SNX18: variants seen among roughly 807,000 people sequenced by gnomAD.
SNX18 encodes the protein sorting nexin-18.
SNX18 carries 35 observed loss-of-function variants against 48.7 expected under a neutral mutation model. The ratio of observed to expected loss-of-function variants is 0.72; its 90% CI spans 0.55 to 0.95. The LOEUF is 0.95. SNX18 is among the 40% of genes least tolerant of loss of function. SNX18 has a pLI of 0.00. For synonymous variants in SNX18, 492 were observed against 384.7 expected, an observed-to-expected ratio of 1.28 and a Z score of -3.26; for missense variants, 824 against 871.0, an observed-to-expected ratio of 0.95 and a Z score of 0.68.
chr5:54,630,503 T>A, the SNX18 span, among the ~76,000 whole-genome samples: 40 of 151,900 alleles, frequency 2.6e-4, no homozygotes, highest in Non-Finnish European at 4.0e-4. Flanking sequence ...CTACTGAGAG[T>A]GAAGTACAAC....
At chr5:54,626,629 T>A in the SNX18 span, among the ~76,000 whole-genome samples, 1 of 152,214 alleles carries the variant, frequency 6.6e-6, no homozygotes, top group Admixed American at 6.5e-5. Context: ...TTTTGCAATG[T>A]CTAGAGACAT....
chr5:54,639,194 T>C, the SNX18 span, among the ~76,000 whole-genome samples: 13 of 144,598 alleles, frequency 9.0e-5, no homozygotes, highest in East Asian at 4.3e-4. Flanking sequence ...GGCCACCGAA[T>C]GCTCTCCCAA....
chr5:54,619,078 C>G, the SNX18 span, among the ~76,000 whole-genome samples: 1 of 152,076 alleles, frequency 6.6e-6, no homozygotes, highest in Admixed American at 6.6e-5. Flanking sequence ...CATTAATAAG[C>G]TGACACTGAC....
the SNX18 span, among the ~76,000 whole-genome samples, chr5:54,598,952 G>T: frequency 6.6e-6 from 1 of 152,186 alleles, no homozygotes; most frequent in Non-Finnish European, 1.5e-5. Flanking sequence ...GTCTTTGTCT[G>T]CAGATGACAT....
At chr5:54,585,878 G>A in the SNX18 span, among the ~76,000 whole-genome samples, 11 of 152,136 alleles carry the variant, frequency 7.2e-5, no homozygotes, top group South Asian at 2.3e-3. Flanking sequence ...GGTGGCGGGT[G>A]CCTGTAGTCC....
the SNX18 span, among the ~76,000 whole-genome samples, chr5:54,553,288 G>T: frequency 6.6e-6 from 1 of 152,282 alleles, no homozygotes; most frequent in East Asian, 1.9e-4. Context: ...TGGAGGCTTC[G>T]TGATAAACGA....
chr5:54,580,172 T>C, the SNX18 span, among the ~76,000 whole-genome samples: 2 of 151,866 alleles, frequency 1.3e-5, no homozygotes, highest in East Asian at 1.9e-4. Flanking sequence ...CTTCCTGATA[T>C]GGACTTTCAA....
At chr5:54,582,743 G>A in the SNX18 span, among the ~76,000 whole-genome samples, 3 of 152,102 alleles carry the variant, frequency 2.0e-5, no homozygotes, top group East Asian at 1.9e-4. Flanking sequence ...AGTGAGCTAC[G>A]GCAACAGAGT....
At chr5:54,629,808 C>A in the SNX18 span, among the ~76,000 whole-genome samples, 1 of 152,118 alleles carries the variant, frequency 6.6e-6, no homozygotes, top group Admixed American at 6.5e-5. Flanking sequence ...TAGATTAGAA[C>A]TAAAAGAGTA....
chr5:54,606,941 T>G, the SNX18 span, among the ~76,000 whole-genome samples: 1 of 152,162 alleles, frequency 6.6e-6, no homozygotes, highest in Admixed American at 6.5e-5. Flanking sequence ...ATCCCTTATT[T>G]TGCCCATTTA....
At chr5:54,548,603 G>C (rs1561125154), downstream of SNX18, among the ~76,000 whole-genome samples, 1 of 152,184 alleles carries the variant, frequency 6.6e-6, no homozygotes, top group African/African-American at 2.4e-5. Flanking sequence ...GACTGACTTA[G>C]ATTGTATTGA....
the SNX18 span, among the ~76,000 whole-genome samples, chr5:54,627,648 CTG>C: frequency 3.0e-4 from 46 of 152,182 alleles, 1 homozygote; most frequent in East Asian, 8.4e-3. Flanking sequence ...GTGGCTAAAG[CTG>C]TGTCAAGCAG....
Position 54,523,334 on chromosome 5 carries a change from A to G in SNX18, c.1621+3761A>G, listed in dbSNP as rs1051375217. Among the ~76,000 whole-genome samples, 15 of 152,316 alleles carry G rather than the reference A, an allele frequency of 9.8e-5. No individual in the cohort carries two copies. The East Asian group carries it at 2.7e-3, about 27-fold the overall frequency. Reference sequence around the variant, plus strand: ...GTTTCCAAAGATATGATCAATCTCTAATATTTAATAAAGCTAAATCTAGGT... The same window carrying G: ...GTTTCCAAAGATATGATCAATCTCTGATATTTAATAAAGCTAAATCTAGGT... On this transcript the variant is annotated intron_variant, in intron 1 of 1. Coordinates refer to ENST00000381410, the MANE Select transcript of SNX18 (RefSeq NM_001102575.2).
chr5:54,577,604 T>G, the SNX18 span, among the ~76,000 whole-genome samples: 1 of 152,212 alleles, frequency 6.6e-6, no homozygotes, highest in African/African-American at 2.4e-5. Context: ...TTTGTCAGTC[T>G]CTGTGCTCTT....
the SNX18 span, among the ~76,000 whole-genome samples, chr5:54,639,916 A>C: frequency 6.6e-6 from 1 of 152,202 alleles, no homozygotes; most frequent in Non-Finnish European, 1.5e-5. Context: ...GGGCCCACGC[A>C]CTATAAGGAA....
At chr5:54,612,299 C>A in the SNX18 span, among the ~76,000 whole-genome samples, 1 of 151,442 alleles carries the variant, frequency 6.6e-6, no homozygotes, top group Non-Finnish European at 1.5e-5. Flanking sequence ...CACTTTGTCA[C>A]CCAGGTGGGA....
At chr5:54,611,533 G>A in the SNX18 span, among the ~76,000 whole-genome samples, 1 of 152,116 alleles carries the variant, frequency 6.6e-6, no homozygotes, top group African/African-American at 2.4e-5. Flanking sequence ...TGACGTTCTA[G>A]AAATTATTTT....
At chr5:54,541,121 G>A (rs920802399) in intron 1 of SNX18, among the ~76,000 whole-genome samples, 3 of 151,846 alleles carry the variant, frequency 2.0e-5, no homozygotes, top group African/African-American at 4.8e-5. Flanking sequence ...TCTGCCTTCC[G>A]GCTTCAAGCG....
the SNX18 span, among the ~76,000 whole-genome samples, chr5:54,620,390 G>C: frequency 2.0e-5 from 3 of 152,194 alleles, no homozygotes; most frequent in African/African-American, 7.2e-5. Context: ...GGGGGATGCA[G>C]TCAGCCTGAG....
Sources: allele counts gnomAD v4.1 joint callset (sites outside exome capture counted in the v4.1 genomes callset), GRCh38; gene constraint gnomAD v4.1.1; transcripts MANE v1.5; gene names NCBI Gene and HGNC (gene_info 2026-07-23, HGNC 2026-07-21).